The following TP63 variants were observed in gnomAD, a reference collection of about 807,000 sequenced individuals.
TP63 encodes tumor protein 63.
Under a neutral mutation model 82.8 loss-of-function variants are expected in TP63, and 17 were observed. That is an observed-to-expected ratio of 0.21 (90% CI 0.14 to 0.31). The LOEUF is 0.31. TP63 is among the 10% of genes least tolerant of loss of function. The pLI, the probability that TP63 is intolerant of heterozygous loss-of-function variation, is 1.00. For synonymous variants in TP63, 330 were observed against 321.7 expected (o/e 1.03, Z -0.28); for missense variants, 648 against 895.3 (o/e 0.72, Z 3.52).
intron 4 of TP63, among the ~76,000 whole-genome samples, chr3:189,853,805 A>G (rs1715948105): frequency 1.3e-5 from 2 of 152,230 alleles, no homozygotes; most frequent in Admixed American, 1.3e-4. Context: ...CCTTGGTAAT[A>G]GTATATGCTC....
Position 189,895,434 on chromosome 3 carries a change from T to G in TP63, c.*932T>G, listed in dbSNP as rs1721397736. Reference sequence around the variant, plus strand: ...AAAACATTTGCTGCCATTACAGAGGTATTAAAACTAAATTTCACTACTAGA... The same window carrying G: ...AAAACATTTGCTGCCATTACAGAGGGATTAAAACTAAATTTCACTACTAGA... On this transcript the variant is annotated 3_prime_UTR_variant, in exon 14 of 14. Coordinates refer to ENST00000264731, the MANE Select transcript of TP63 (RefSeq NM_003722.5). 4.6e-6 allele frequency: 1 copy of G among 217,820 alleles called. No homozygotes were observed. The highest frequency in any genetic ancestry group is 6.9e-5 in the East Asian group (1 of 14,590). 13.5% of individuals were successfully genotyped at this position (217,820 alleles called of 1,614,324 possible).
chr3:189,707,366 T>C (rs1033613374), intron 1 of TP63, among the ~76,000 whole-genome samples: 2 of 152,206 alleles, frequency 1.3e-5, no homozygotes, highest in Admixed American at 6.5e-5. Flanking sequence ...TGTAATATTG[T>C]ACTATGTAGA....
intron 1 of TP63, among the ~76,000 whole-genome samples, chr3:189,695,305 C>A (rs1717288798): frequency 6.8e-6 from 1 of 147,210 alleles, no homozygotes; most frequent in Non-Finnish European, 1.5e-5. Flanking sequence ...TCAGTTAGTT[C>A]CTGTGTCCCT....
chr3:189,622,868 G>A, the TP63 span, among the ~76,000 whole-genome samples: 1 of 152,176 alleles, frequency 6.6e-6, no homozygotes, highest in African/African-American at 2.4e-5. Context: ...CAGTTGAGAT[G>A]TTGCAATGAG....
chr3:189,712,327 G>A (rs1718651607), intron 1 of TP63, among the ~76,000 whole-genome samples: 1 of 152,202 alleles, frequency 6.6e-6, no homozygotes, highest in Non-Finnish European at 1.5e-5. Context: ...TCTGAGGTAA[G>A]AAGTGAAGAT....
intron 11 of TP63, among the ~76,000 whole-genome samples, chr3:189,888,803 G>A (rs551549601): frequency 6.6e-6 from 1 of 152,258 alleles, no homozygotes; most frequent in African/African-American, 2.4e-5. Context: ...TATTAGGCAC[G>A]TGAGTCCTTC....
At chr3:189,603,264 A>G in the TP63 span, among the ~76,000 whole-genome samples, 1 of 152,056 alleles carries the variant, frequency 6.6e-6, no homozygotes. Context: ...TCCTAGTCCC[A>G]ACTCCTTATA....
chr3:189,613,780 T>C, the TP63 span, among the ~76,000 whole-genome samples: 2 of 152,214 alleles, frequency 1.3e-5, no homozygotes, highest in Non-Finnish European at 2.9e-5. Context: ...ATGTAAGACC[T>C]GGAGTCAAAG....
chr3:189,886,408 C>G lies in TP63; in HGVS notation c.1364C>G (p.Ser455Cys). 6.2e-7 allele frequency: 1 copy of G among 1,614,122 alleles called. No individual in the cohort carries two copies. Among genetic ancestry groups the G allele is most frequent in the Non-Finnish European group, 8.5e-7 (1 of 1,180,000 alleles). Residue 455 changes from serine (S) to cysteine (C), a missense_variant, in exon 11 of 14, where the codon TCT becomes TGT. Physicochemically the swap from Ser to Cys is moderately radical, Grantham distance 112 (BLOSUM62 -1). Around this residue, in one of 5 missense-constraint regions of TP63, gnomAD observed 342 missense variants for 425.7 expected, o/e 0.80. Transcript: ENST00000264731. ...HLLQKQTSIQSPSSYGNSSPP... is the reference protein window; with the variant it reads ...HLLQKQTSIQCPSSYGNSSPP... ...TGTCTTCCTAGGACCTCAATACAGT[C>G]TCCATCTTCATATGGTAACAGCTCC...
chr3:189,741,434 T>C (rs1720977971), intron 3 of TP63, among the ~76,000 whole-genome samples: 1 of 119,848 alleles, frequency 8.3e-6, no homozygotes, highest in South Asian at 2.5e-4. Context: ...TTAGTCTTTC[T>C]GAACTGCTAC....
intron 3 of TP63, among the ~76,000 whole-genome samples, chr3:189,761,889 C>G (rs529529366): frequency 5.3e-4 from 81 of 152,296 alleles, no homozygotes; most frequent in Non-Finnish European, 5.3e-4. Flanking sequence ...GCAGAGAGAG[C>G]TTGTGCAGAG....
chr3:189,827,320 A>G (rs1431851736), intron 4 of TP63, among the ~76,000 whole-genome samples: 3 of 152,158 alleles, frequency 2.0e-5, no homozygotes, highest in African/African-American at 7.2e-5. Flanking sequence ...GGAAGCATTA[A>G]TTGTAGATGA....
chr3:189,853,912 T>C (rs1715963395), intron 4 of TP63, among the ~76,000 whole-genome samples: 2 of 152,196 alleles, frequency 1.3e-5, no homozygotes, highest in Non-Finnish European at 2.9e-5. Flanking sequence ...GTATTTTGGT[T>C]GTTTTTGCTG....
chr3:189,725,841 A>G (rs4374508), intron 1 of TP63, among the ~76,000 whole-genome samples: 104,536 of 152,076 alleles, frequency 0.69, 36,303 homozygotes, highest in African/African-American at 0.78. Context: ...AGATCATGAG[A>G]TCAGGAGCTG....
intron 1 of TP63, among the ~76,000 whole-genome samples, chr3:189,679,575 C>T (rs543457586): frequency 2.6e-5 from 4 of 152,026 alleles, no homozygotes; most frequent in Admixed American, 6.6e-5. Context: ...TCACTCATTT[C>T]GTAGGTGACC....
intron 1 of TP63, among the ~76,000 whole-genome samples, chr3:189,639,201 G>A (rs1711584266): frequency 1.3e-5 from 2 of 152,056 alleles, no homozygotes; most frequent in Non-Finnish European, 2.9e-5. Context: ...CTGTAATTAC[G>A]ATCAAAGTGC....
At chr3:189,766,417 G>T (rs192006087) in intron 3 of TP63, among the ~76,000 whole-genome samples, 4,990 of 149,752 alleles carry the variant, frequency 0.033, 241 homozygotes, top group African/African-American at 0.11. Context: ...TCCTAATCAG[G>T]TTTTTTTTTT....
At chr3:189,720,197 C>T (rs1170264517) in intron 1 of TP63, among the ~76,000 whole-genome samples, 1 of 152,182 alleles carries the variant, frequency 6.6e-6, no homozygotes, top group East Asian at 1.9e-4. Flanking sequence ...ATTTGTTCAT[C>T]TGTCTTCTCC....
At chr3:189,598,787 T>C in the TP63 span, among the ~76,000 whole-genome samples, 1 of 152,206 alleles carries the variant, frequency 6.6e-6, no homozygotes, top group African/African-American at 2.4e-5. Flanking sequence ...TGAATGACCA[T>C]AGTCACAGGT....
Sources: allele counts gnomAD v4.1 joint callset (sites outside exome capture counted in the v4.1 genomes callset), GRCh38; gene constraint gnomAD v4.1.1; regional missense constraint gnomAD v4.1.1; transcripts MANE v1.5; gene names NCBI Gene and HGNC (gene_info 2026-07-23, HGNC 2026-07-21).